The following NCOA2 variants were observed in gnomAD, a reference collection of about 807,000 sequenced individuals.
NCOA2 encodes the protein class E basic helix-loop-helix protein 75.
NCOA2 carries 21 observed loss-of-function variants against 145.1 expected under a neutral mutation model. The observed-to-expected ratio is 0.14, with a 90% confidence interval of 0.10 to 0.21. The LOEUF (loss-of-function observed/expected upper bound fraction) is 0.21. NCOA2 is among the 10% of genes least tolerant of loss of function. The probability of loss-of-function intolerance (pLI) is 1.00; values close to 1 mark genes in which losing one functional copy is unlikely to be tolerated. For synonymous variants in NCOA2, 619 were observed against 637.5 expected (o/e 0.97, Z 0.44); for missense variants, 1,472 against 1,837.6 (o/e 0.80, Z 3.64).
chr8:70,388,946 T>C (rs1233940944), intron 1 of NCOA2, among the ~76,000 whole-genome samples: 1 of 152,182 alleles, frequency 6.6e-6, no homozygotes, highest in East Asian at 1.9e-4. Flanking sequence ...CAAGTAAGTT[T>C]AGTAAAGAGG....
intron 4 of NCOA2, among the ~76,000 whole-genome samples, chr8:70,191,737 AGG>A (rs1277923392): frequency 6.6e-6 from 1 of 152,134 alleles, no homozygotes; most frequent in Non-Finnish European, 1.5e-5. Flanking sequence ...AGATAAACTG[AGG>A]GGTTTCTAAA....
intron 2 of NCOA2, among the ~76,000 whole-genome samples, chr8:70,242,947 A>G (rs1180529537): frequency 6.6e-6 from 1 of 152,070 alleles, no homozygotes; most frequent in Non-Finnish European, 1.5e-5. Context: ...GGAATTCTGA[A>G]GTGTAGCAGG....
chr8:70,153,047 A>G (rs902298305), intron 11 of NCOA2, among the ~76,000 whole-genome samples: 4 of 152,222 alleles, frequency 2.6e-5, no homozygotes, highest in Non-Finnish European at 5.9e-5. Flanking sequence ...TTCTTAAAGT[A>G]AGTCATTCTA....
chr8:70,112,923 A>G lies in NCOA2; in HGVS notation c.*709T>C. 5.1e-6 allele frequency: 1 copy of G among 197,654 alleles called. No homozygotes were observed. 12.2% of individuals were successfully genotyped at this position (197,654 alleles called of 1,614,324 possible). A position where few individuals can be genotyped will look rare whatever the true frequency, so the allele number is the denominator to read the frequency against. On this transcript the variant is annotated 3_prime_UTR_variant, in exon 23 of 23. Transcript: ENST00000452400. ...ATTCAGGTGAACCAGTTTGGTTTTA[A>G]CAAAGAAAAAACAAGGAAAAAATAT...
At chr8:70,401,760 G>A (rs1814273844) in intron 1 of NCOA2, 1 of 152,212 alleles carries the variant, frequency 6.6e-6, no homozygotes. Context: ...GAGTGAAACC[G>A]AGATAAGAGG....
intron 11 of NCOA2, among the ~76,000 whole-genome samples, chr8:70,155,401 C>T (rs376763670): frequency 2.0e-5 from 3 of 152,216 alleles, no homozygotes; most frequent in Non-Finnish European, 2.9e-5. Flanking sequence ...AATTCAATTA[C>T]GTCTGTTCTG....
chr8:70,415,410 A>G, the NCOA2 span, among the ~76,000 whole-genome samples: 38 of 152,306 alleles, frequency 2.5e-4, no homozygotes, highest in Admixed American at 1.4e-3. Flanking sequence ...GATGCGGCCC[A>G]TACTAGGCAC....
chr8:70,291,197 T>A (rs1484664610), intron 2 of NCOA2, among the ~76,000 whole-genome samples: 1 of 152,162 alleles, frequency 6.6e-6, no homozygotes, highest in Non-Finnish European at 1.5e-5. Flanking sequence ...AAACCACTTA[T>A]CCCACTCCTA....
intron 15 of NCOA2, among the ~76,000 whole-genome samples, chr8:70,136,803 T>C (rs1184744754): frequency 6.6e-6 from 1 of 152,234 alleles, no homozygotes; most frequent in Admixed American, 6.5e-5. Context: ...AGAAACTTTA[T>C]TACCCATTAC....
intron 2 of NCOA2, among the ~76,000 whole-genome samples, chr8:70,237,018 T>TA (rs1223056649): frequency 1.3e-5 from 2 of 152,174 alleles, no homozygotes; most frequent in African/African-American, 4.8e-5. Flanking sequence ...TTTCTCATTG[T>TA]AAAAAAATCC....
chr8:70,205,840 A>G (rs1452871134), intron 4 of NCOA2, among the ~76,000 whole-genome samples: 1 of 152,224 alleles, frequency 6.6e-6, no homozygotes, highest in Non-Finnish European at 1.5e-5. Flanking sequence ...GTCGGGGCAA[A>G]TGATCAACCT....
At chr8:70,356,692 G>C (rs1809728077) in intron 1 of NCOA2, among the ~76,000 whole-genome samples, 1 of 152,144 alleles carries the variant, frequency 6.6e-6, no homozygotes, top group Non-Finnish European at 1.5e-5. Flanking sequence ...CTGCTACCCA[G>C]ACTGATGACG....
At chr8:70,327,823 G>T (rs1326093304) in intron 1 of NCOA2, among the ~76,000 whole-genome samples, 1 of 152,132 alleles carries the variant, frequency 6.6e-6, no homozygotes, top group African/African-American at 2.4e-5. Flanking sequence ...CAGACAGATG[G>T]GTTTTTAAAG....
the NCOA2 span, among the ~76,000 whole-genome samples, chr8:70,417,667 C>T: frequency 6.6e-6 from 1 of 152,150 alleles, no homozygotes; most frequent in Non-Finnish European, 1.5e-5. Context: ...GTTTTTTACC[C>T]GGTCAGGTGA....
intron 1 of NCOA2, among the ~76,000 whole-genome samples, chr8:70,358,091 A>C (rs2130955309): frequency 6.6e-6 from 1 of 152,164 alleles, no homozygotes; most frequent in South Asian, 2.1e-4. Flanking sequence ...AAACCCTACA[A>C]AACACTCCTA....
In NCOA2 at chr8:70,281,119, C is replaced by T. The variant is rs181875210; in HGVS notation, c.-20+15625G>A. 6.2e-4 allele frequency among the ~76,000 whole-genome samples: 94 copies of T among 151,444 alleles called. 1 individual carries two copies. Among genetic ancestry groups the T allele is most frequent in the South Asian group, 4.4e-3 (21 of 4,774 alleles). On this transcript the variant is annotated intron_variant, in intron 2 of 22. Coordinates refer to ENST00000452400, the MANE Select transcript of NCOA2 (RefSeq NM_006540.4). ...CTGTAATCCCAGCACTTAGGGAGGC[C>T]GAGGTGGGTGGATCACTTGAAGTCA...
At chr8:70,177,126 A>G (rs557944417) in intron 4 of NCOA2, among the ~76,000 whole-genome samples, 179 of 152,294 alleles carry the variant, frequency 1.2e-3, no homozygotes, top group Non-Finnish European at 1.9e-3. Flanking sequence ...CAGGGGTCAC[A>G]TTCTCCCATC....
At chr8:70,195,554 C>T (rs1474254050) in intron 4 of NCOA2, among the ~76,000 whole-genome samples, 1 of 152,124 alleles carries the variant, frequency 6.6e-6, no homozygotes, top group African/African-American at 2.4e-5. Context: ...TGAAAATGTA[C>T]AATATAAAAT....
rs1813649888 is a variant in NCOA2, at chr8:70,396,160, T to G, written c.-77+7540A>C. ...TCTGCAAAACATGCATCACACAATCTGCGCACAACAGTTAAACAATACTAG... is the reference window on the plus strand; with the variant it reads ...TCTGCAAAACATGCATCACACAATCGGCGCACAACAGTTAAACAATACTAG... On this transcript the variant is annotated intron_variant, in intron 1 of 22. Coordinates refer to ENST00000452400, the MANE Select transcript of NCOA2 (RefSeq NM_006540.4). Among the ~76,000 whole-genome samples the G allele has an allele frequency of 2.6e-5, 4 of 152,314 alleles. No individual in the cohort carries two copies. The South Asian group carries it at 8.3e-4, about 32-fold the overall frequency.
Sources: gnomAD v4.1 joint callset for allele counts (sites outside exome capture counted in the v4.1 genomes callset) on GRCh38, gnomAD v4.1.1 for gene constraint, MANE v1.5 for transcripts, NCBI Gene and HGNC (gene_info 2026-07-23, HGNC 2026-07-21) for gene names.